The following CSMD1 variants were observed in gnomAD, a reference collection of about 807,000 sequenced individuals.
The protein encoded by CSMD1 is CUB and sushi domain-containing protein 1.
In CSMD1, 213 loss-of-function variants were observed where a neutral mutation model predicts 417.5. That is an observed-to-expected ratio of 0.51 (90% CI 0.46 to 0.57). The LOEUF (loss-of-function observed/expected upper bound fraction) is 0.57, where lower values mean the gene tolerates loss of function less well. CSMD1 is among the 20% of genes least tolerant of loss of function. CSMD1 has a pLI of 0.00. For missense variants in CSMD1, 6,923 were observed against 4,529.7 expected, an observed-to-expected ratio of 1.53 and a Z score of -15.17; for synonymous variants, 2,862 against 1,736.8, an observed-to-expected ratio of 1.65 and a Z score of -16.11.
At chr8:3,706,329 G>C (rs915163409) in intron 7 of CSMD1, among the ~76,000 whole-genome samples, 1 of 152,216 alleles carries the variant, frequency 6.6e-6, no homozygotes, top group Admixed American at 6.5e-5. Context: ...TTGAATGCTT[G>C]CCTGTCGCTT....
At chr8:3,684,278 TATTA>T (rs1299702608) in intron 7 of CSMD1, among the ~76,000 whole-genome samples, 2 of 144,466 alleles carry the variant, frequency 1.4e-5, no homozygotes, top group African/African-American at 5.0e-5. Context: ...ATATGTTATA[TATTA>T]TATATAATAT....
chr8:3,349,545 A>C (rs1384684363), intron 21 of CSMD1, among the ~76,000 whole-genome samples: 2 of 151,932 alleles, frequency 1.3e-5, no homozygotes, highest in Non-Finnish European at 2.9e-5. Flanking sequence ...CTCGGGGTGC[A>C]AGTGTTGAGG....
chr8:3,960,477 C>A (rs1017616500), intron 5 of CSMD1, among the ~76,000 whole-genome samples: 1 of 151,998 alleles, frequency 6.6e-6, no homozygotes, highest in East Asian at 1.9e-4. Flanking sequence ...ATTATTTATG[C>A]CTTTAAAGAC....
chr8:4,102,514 G>A (rs533593400), intron 3 of CSMD1, among the ~76,000 whole-genome samples: 5 of 152,216 alleles, frequency 3.3e-5, no homozygotes, highest in Non-Finnish European at 4.4e-5. Flanking sequence ...AAAACTTAGC[G>A]ACAATGGGGA....
chr8:4,950,201 T>C (rs1401342419), intron 1 of CSMD1, among the ~76,000 whole-genome samples: 1 of 152,200 alleles, frequency 6.6e-6, no homozygotes, highest in Non-Finnish European at 1.5e-5. Context: ...ACCAATGTCT[T>C]CTGAAAAGTA....
At chr8:4,989,942 A>G (rs1811375420) in intron 1 of CSMD1, among the ~76,000 whole-genome samples, 1 of 152,170 alleles carries the variant, frequency 6.6e-6, no homozygotes, top group South Asian at 2.1e-4. Flanking sequence ...TGCCCCCGGG[A>G]GGAGCTGCTT....
intron 3 of CSMD1, among the ~76,000 whole-genome samples, chr8:4,216,733 A>T (rs1037165894): frequency 1.1e-4 from 17 of 152,160 alleles, no homozygotes; most frequent in African/African-American, 3.9e-4. Flanking sequence ...ACGAATGGAG[A>T]TGTTTTAAGA....
At chr8:3,770,397 T>G (rs1339648056) in intron 5 of CSMD1, among the ~76,000 whole-genome samples, 1 of 152,014 alleles carries the variant, frequency 6.6e-6, no homozygotes, top group Non-Finnish European at 1.5e-5. Context: ...GGCACGGTGG[T>G]GCGTGCCTGT....
chr8:4,881,248 T>C (rs1444483452), intron 1 of CSMD1, among the ~76,000 whole-genome samples: 1 of 152,160 alleles, frequency 6.6e-6, no homozygotes, highest in Non-Finnish European at 1.5e-5. Context: ...GAGTTATCAA[T>C]ATGTGGTCTC....
rs531924060 is a variant in CSMD1 at position 4,680,830 on chromosome 8, T to G, written c.86-43272A>C. Reference sequence around the variant, plus strand: ...CTTGACTTCAGGTGATCCACCCGCCTTGGCCTCCCAAAGTGTTGGGATTAT... The same window carrying G: ...CTTGACTTCAGGTGATCCACCCGCCGTGGCCTCCCAAAGTGTTGGGATTAT... On this transcript the variant is annotated intron_variant, in intron 1 of 69. Coordinates refer to ENST00000635120, the MANE Select transcript of CSMD1 (RefSeq NM_033225.6). Among the ~76,000 whole-genome samples, 419 of 152,194 alleles carry G rather than the reference T, an allele frequency of 2.8e-3. 1 individual carries two copies. The highest frequency in any genetic ancestry group is 9.6e-3 in the African/African-American group (399 of 41,530).
intron 3 of CSMD1, among the ~76,000 whole-genome samples, chr8:4,064,090 G>A (rs867095411): frequency 9.2e-5 from 14 of 152,260 alleles, no homozygotes; most frequent in Middle Eastern, 3.4e-3. Flanking sequence ...TGTGAAATGC[G>A]AATCTACTCT....
intron 2 of CSMD1, among the ~76,000 whole-genome samples, chr8:4,541,023 A>G (rs1797357667): frequency 6.6e-6 from 1 of 152,232 alleles, no homozygotes; most frequent in African/African-American, 2.4e-5. Flanking sequence ...GCCTCATTTT[A>G]CTTAGCAAAA....
At chr8:4,657,987 GAAGA>G (rs34857796) in intron 1 of CSMD1, among the ~76,000 whole-genome samples, 79,170 of 151,148 alleles carry the variant, frequency 0.52, 21,020 homozygotes, top group Admixed American at 0.64. Flanking sequence ...AAAGCAGGTA[GAAGA>G]AAGAATCAAC....
chr8:3,461,135 C>G (rs566851281), intron 12 of CSMD1, among the ~76,000 whole-genome samples: 8 of 152,154 alleles, frequency 5.3e-5, no homozygotes, highest in Non-Finnish European at 1.2e-4. Flanking sequence ...CATCGCTCTG[C>G]GGAACTGAGG....
intron 4 of CSMD1, among the ~76,000 whole-genome samples, chr8:4,028,973 G>A (rs779991072): frequency 6.6e-6 from 1 of 152,186 alleles, no homozygotes; most frequent in African/African-American, 2.4e-5. Context: ...AGTGTTGCAG[G>A]TAAAGGAATT....
intron 3 of CSMD1, among the ~76,000 whole-genome samples, chr8:4,133,305 T>C (rs1051229244): frequency 6.6e-6 from 1 of 152,208 alleles, no homozygotes; most frequent in Non-Finnish European, 1.5e-5. Flanking sequence ...TCTAAGTTTA[T>C]ACTGGAATGA....
chr8:3,270,108 G>C lies in CSMD1; in HGVS notation c.4153+14036C>G, dbSNP rs550417797. 1.0e-3 allele frequency among the ~76,000 whole-genome samples: 136 copies of C among 131,110 alleles called. 1 individual carries two copies. The highest frequency in any genetic ancestry group is 3.7e-3 in the African/African-American group (126 of 33,866). 86.0% of individuals were successfully genotyped at this position (131,110 alleles called of 152,430 possible). Reference sequence around the variant, plus strand: ...TCTGTTGCCCAGGGCGAAGTACAGTGGCACTGTCTTGGCCCACTGCAACCT... The same window carrying C: ...TCTGTTGCCCAGGGCGAAGTACAGTCGCACTGTCTTGGCCCACTGCAACCT... On this transcript the variant is annotated intron_variant, in intron 26 of 69. Coordinates refer to ENST00000635120, the MANE Select transcript of CSMD1 (RefSeq NM_033225.6).
chr8:3,736,343 G>T (rs768570058), intron 6 of CSMD1, among the ~76,000 whole-genome samples: 4 of 151,950 alleles, frequency 2.6e-5, no homozygotes, highest in Non-Finnish European at 5.9e-5. Flanking sequence ...CTGGGCTCAG[G>T]TGATTCTCCT....
intron 1 of CSMD1, among the ~76,000 whole-genome samples, chr8:4,669,860 C>T (rs769288011): frequency 1.3e-5 from 2 of 152,184 alleles, no homozygotes; most frequent in Non-Finnish European, 2.9e-5. Context: ...AATCACAGAA[C>T]TCCTCAGGTT....
Sources: gnomAD v4.1 joint callset for allele counts (sites outside exome capture counted in the v4.1 genomes callset) on GRCh38, gnomAD v4.1.1 for gene constraint, MANE v1.5 for transcripts, NCBI Gene and HGNC (gene_info 2026-07-23, HGNC 2026-07-21) for gene names.